The following WDR27 variants were observed in gnomAD, a reference collection of about 807,000 sequenced individuals.
WDR27 encodes the protein WD repeat-containing protein 27.
A neutral mutation model predicts 114.4 loss-of-function variants in WDR27; 100 were observed. The ratio of observed to expected loss-of-function variants is 0.87; its 90% CI spans 0.74 to 1.03. The LOEUF is 1.03. Ranked by LOEUF, WDR27 falls within the 50% of genes least tolerant of loss-of-function variation. The pLI, the probability that WDR27 is intolerant of heterozygous loss-of-function variation, is 0.00. For synonymous variants in WDR27, 449 were observed against 423.1 expected (o/e 1.06, Z -0.75); for missense variants, 1,129 against 1,092.9 (o/e 1.03, Z -0.47).
chr6:169,694,670 T>C (rs1310389918), intron 1 of WDR27, among the ~76,000 whole-genome samples: 2 of 152,224 alleles, frequency 1.3e-5, no homozygotes. Context: ...ATTAAACAGT[T>C]ATAGCACATG....
chr6:169,491,164 G>A (rs1450941054), intron 25 of WDR27, among the ~76,000 whole-genome samples: 1 of 152,154 alleles, frequency 6.6e-6, no homozygotes, highest in Non-Finnish European at 1.5e-5. Flanking sequence ...CCTGGAAAAT[G>A]AATGAGATCA....
At chr6:169,651,178 C>CGGGGGGGGGGGGGGGG (rs200606067) in intron 14 of WDR27, among the ~76,000 whole-genome samples, 2 of 3,398 alleles carry the variant, frequency 5.9e-4, no homozygotes, top group Admixed American at 4.3e-3. Context: ...CACAGCAGTG[C>CGGGGGGGGGGGGGGGG]GGGGCGGGGG....
Position 169,659,158 on chromosome 6 carries a change from T to G in WDR27, c.1247A>C (p.Glu416Ala). 6.2e-7 allele frequency: 1 copy of G among 1,610,750 alleles called. No individual in the cohort carries two copies. Among genetic ancestry groups the G allele is most frequent in the Non-Finnish European group, 8.5e-7 (1 of 1,178,678 alleles). ...CCTGACTAGCGCGGCCGGGTTGATC[T>G]CCAACACGGCAATCTTCCCGCCAAA... Reference protein sequence around the residue: ...SLFGGKIAVLEINPAALVRAQ... With the variant: ...SLFGGKIAVLAINPAALVRAQ... Residue 416 changes from glutamate (E) to alanine (A), a missense_variant, in exon 12 of 26, where the codon GAG becomes GCG. By Grantham distance (107) the Glu-to-Ala change is moderately radical. Coordinates refer to ENST00000448612, the MANE Select transcript of WDR27 (RefSeq NM_182552.5). The surrounding 1 kb of genome is among the most constrained non-coding windows in gnomAD (Gnocchi z 4.3).
rs564488643 is a variant in WDR27, at chr6:169,600,709, T to G, written c.2424+1510A>C. 3.0e-4 allele frequency among the ~76,000 whole-genome samples: 45 copies of G among 152,204 alleles called. 1 individual carries two copies. The South Asian group carries it at 8.7e-3, about 29-fold the overall frequency. On this transcript the variant is annotated intron_variant, in intron 23 of 25. Transcript: ENST00000448612. ...TGATTCGATCAACTGGAAGAAAGGG[T>G]ATCAGTGATGGAAGATCAAATGAAT...
At chr6:169,516,788 A>AACACACACACACACACACAC (rs3032851) in intron 25 of WDR27, among the ~76,000 whole-genome samples, 84 of 119,326 alleles carry the variant, frequency 7.0e-4, no homozygotes, top group South Asian at 9.4e-4. Context: ...GGCATGCTCC[A>AACACACACACACACACACAC]ACACACACAC....
At chr6:169,565,977 C>G (rs1800401809) in intron 25 of WDR27, among the ~76,000 whole-genome samples, 1 of 152,206 alleles carries the variant, frequency 6.6e-6, no homozygotes, top group Non-Finnish European at 1.5e-5. Flanking sequence ...ATTATGAGCT[C>G]AGCTTTGACT....
the WDR27 span, among the ~76,000 whole-genome samples, chr6:169,427,809 C>CA: frequency 0.46 from 57,568 of 126,214 alleles, 12,941 homozygotes; most frequent in Non-Finnish European, 0.55. Context: ...AAACAACAAC[C>CA]AAAAAAAAAA....
At chr6:169,577,446 C>T (rs9383499) in intron 24 of WDR27, among the ~76,000 whole-genome samples, 14,752 of 150,320 alleles carry the variant, frequency 0.098, 1,649 homozygotes, top group East Asian at 0.57. Flanking sequence ...GGCCTGGAGA[C>T]GGGGAGATGG....
intron 21 of WDR27, among the ~76,000 whole-genome samples, chr6:169,619,993 T>C (rs1812729466): frequency 6.6e-6 from 1 of 152,226 alleles, no homozygotes; most frequent in Admixed American, 6.5e-5. Context: ...TTTTATTTTC[T>C]TCCTTGTCTT....
intron 21 of WDR27, among the ~76,000 whole-genome samples, chr6:169,632,456 C>T (rs1430662709): frequency 1.3e-5 from 2 of 152,194 alleles, no homozygotes; most frequent in Non-Finnish European, 2.9e-5. Flanking sequence ...TTGAACCGTG[C>T]AGCTATCAGA....
intron 20 of WDR27, 86 bp from the exon 21 acceptor site, chr6:169,633,154 T>C: frequency 1.5e-6 from 2 of 1,364,486 alleles, no homozygotes; most frequent in Non-Finnish European, 1.9e-6. Context: ...ATAAAAACTT[T>C]GGAATATTAG....
intron 2 of WDR27, among the ~76,000 whole-genome samples, chr6:169,673,887 G>A (rs890827898): frequency 6.6e-6 from 1 of 152,320 alleles, no homozygotes; most frequent in East Asian, 1.9e-4. Flanking sequence ...ACTAAGGTGA[G>A]AGGGATGAGC....
intron 5 of WDR27, chr6:169,667,425 T>C: frequency 8.1e-7 from 1 of 1,231,214 alleles, no homozygotes. Context: ...TTTGAAGAAT[T>C]GGAAACAAAA....
intron 25 of WDR27, among the ~76,000 whole-genome samples, chr6:169,547,279 T>TA (rs1797574085): frequency 6.6e-6 from 1 of 151,972 alleles, no homozygotes; most frequent in Non-Finnish European, 1.5e-5. Context: ...TAATCTCCTT[T>TA]AAAGGATAGA....
chr6:169,635,616 G>A (rs995757279), intron 19 of WDR27, among the ~76,000 whole-genome samples: 3 of 152,196 alleles, frequency 2.0e-5, no homozygotes, highest in Non-Finnish European at 4.4e-5. Context: ...TATCAGATGC[G>A]ATCGGATGGA....
At chr6:169,587,409 G>C (rs528749149) in intron 23 of WDR27, among the ~76,000 whole-genome samples, 1 of 152,008 alleles carries the variant, frequency 6.6e-6, no homozygotes, top group Admixed American at 6.5e-5. Flanking sequence ...AATAGAGACG[G>C]GGTTTCACCA....
intron 25 of WDR27, among the ~76,000 whole-genome samples, chr6:169,502,814 C>A (rs181748211): frequency 3.3e-5 from 5 of 152,262 alleles, no homozygotes; most frequent in Admixed American, 6.5e-5. Flanking sequence ...TAGGACTTGG[C>A]CATTTCCAGG....
In WDR27 at chr6:169,684,942, T is replaced by C. The variant is rs1782518184; in HGVS notation, c.189+3875A>G. On this transcript the variant is annotated intron_variant, in intron 2 of 25. Coordinates refer to ENST00000448612, the MANE Select transcript of WDR27 (RefSeq NM_182552.5). The surrounding 1 kb of genome is among the most constrained non-coding windows in gnomAD (Gnocchi z 4.3). ...AGACCCCAAGTTGGCTGACCCTATG[T>C]GTACATGTGTACCCCCAACCTGAGA... 6.6e-6 allele frequency among the ~76,000 whole-genome samples: 1 copy of C among 152,170 alleles called. No individual in the cohort carries two copies. The highest frequency in any genetic ancestry group is 1.5e-5 in the Non-Finnish European group (1 of 68,032).
chr6:169,447,378 G>C, the WDR27 span, among the ~76,000 whole-genome samples: 1 of 152,036 alleles, frequency 6.6e-6, no homozygotes, highest in Non-Finnish European at 1.5e-5. Flanking sequence ...TTAAATGTTT[G>C]ATAAAACTTC....
Sources: allele counts gnomAD v4.1 joint callset (sites outside exome capture counted in the v4.1 genomes callset), GRCh38; gene constraint gnomAD v4.1.1; non-coding constraint Gnocchi (gnomAD v3.1); transcripts MANE v1.5; gene names NCBI Gene and HGNC (gene_info 2026-07-23, HGNC 2026-07-21).